Variants in ELMO2 observed in about 807,000 individuals in gnomAD.
The protein encoded by ELMO2 is engulfment and cell motility protein 2.
Under a neutral mutation model 96.2 loss-of-function variants are expected in ELMO2, and 37 were observed. The ratio of observed to expected loss-of-function variants is 0.38; its 90% CI spans 0.30 to 0.51. The LOEUF is 0.51. ELMO2 is among the 20% of genes least tolerant of loss of function. The probability of loss-of-function intolerance (pLI) is 0.88; values close to 1 mark genes in which losing one functional copy is unlikely to be tolerated. For synonymous variants in ELMO2, 315 were observed against 329.4 expected, an observed-to-expected ratio of 0.96 and a Z score of 0.47; for missense variants, 561 against 912.6, an observed-to-expected ratio of 0.61 and a Z score of 4.96.
At position 46,380,245 on chromosome 20, in the gene ELMO2, G is replaced by A. The variant is rs1182271552; in HGVS notation, c.807+8C>T. The A allele has an allele frequency of 2.5e-6, 4 of 1,609,234 alleles. 1 individual carries two copies. The South Asian group carries it at 4.4e-5, about 18-fold the overall frequency. On this transcript the variant is annotated splice_region_variant and intron_variant, in intron 11 of 21. Coordinates refer to ENST00000290246, the MANE Select transcript of ELMO2 (RefSeq NM_133171.5). ...AGTAATAAAATACAGCATGTTCCAG[G>A]AACTCACATTCAGGATTATAGACCG...
In ELMO2 at chr20:46,375,783, A is replaced by G; in HGVS notation, c.815T>C (p.Ile272Thr). Residue 272 changes from isoleucine (I) to threonine (T), a missense_variant, in exon 12 of 22, where the codon ATC becomes ACC. Coordinates refer to ENST00000290246, the MANE Select transcript of ELMO2 (RefSeq NM_133171.5). This position sits in a 1 kb window ranked among gnomAD's most constrained non-coding sequence, Gnocchi z 4.6. ...HLRSIILNHV[I>T]RGNRPIKTEM... The stretch of plus-strand genomic sequence containing the variant: ...AGTTTTGATGGGGCGGTTCCCTCGG[A>G]TCACATGCTAGAAAAAGCACAGGCA... The G allele has an allele frequency of 6.2e-7, 1 of 1,614,208 alleles. No individual in the cohort carries two copies. Among genetic ancestry groups the G allele is most frequent in the Non-Finnish European group, 8.5e-7 (1 of 1,180,026 alleles).
At position 46,375,493 on chromosome 20, in the gene ELMO2, C is replaced by T. The variant is rs996827798; in HGVS notation, c.931-123G>A. The T allele has an allele frequency of 2.7e-6, 4 of 1,487,072 alleles. No homozygotes were observed. The highest frequency in any genetic ancestry group is 1.4e-5 in the African/African-American group (1 of 71,880). 92.1% of individuals were successfully genotyped at this position (1,487,072 alleles called of 1,614,324 possible). A position where few individuals can be genotyped will look rare whatever the true frequency, so the allele number is the denominator to read the frequency against. On this transcript the variant is annotated intron_variant, in intron 12 of 21. Transcript: ENST00000290246. The surrounding 1 kb of genome is among the most constrained non-coding windows in gnomAD (Gnocchi z 4.6). ...CCAATCAATCCCTTAGGAGGCATCA[C>T]CTCTACCACAGCAGGACAGAAATGG...
chr20:46,375,322 C>T lies in ELMO2; in HGVS notation c.979G>A (p.Glu327Lys), dbSNP rs947139087. 1 of 1,614,114 alleles carries T rather than the reference C, an allele frequency of 6.2e-7. No homozygotes were observed. ...FELRRIAFDA[E>K]SDPSNAPGSG... Reference sequence around the variant, plus strand: ...CCAGGGGCATTGCTAGGATCAGACTCTGCGTCAAATGCAATCCTCCTCAGT... The same window carrying T: ...CCAGGGGCATTGCTAGGATCAGACTTTGCGTCAAATGCAATCCTCCTCAGT... Residue 327 changes from glutamate (E) to lysine (K), a missense_variant, in exon 13 of 22, where the codon GAG becomes AAG. Transcript: ENST00000290246. The surrounding 1 kb of genome is among the most constrained non-coding windows in gnomAD (Gnocchi z 4.6).
intron 16 of ELMO2, chr20:46,373,192 G>A (rs571204054): frequency 4.8e-5 from 29 of 602,856 alleles, no homozygotes; most frequent in African/African-American, 4.1e-4. Flanking sequence ...GAGGGCCTAC[G>A]GCACCAAGTG....
chr20:46,387,461 C>A (rs750061280), intron 7 of ELMO2, 24 bp from the exon 8 acceptor site: 2 of 1,578,472 alleles, frequency 1.3e-6, no homozygotes, highest in Admixed American at 1.7e-5. Flanking sequence ...AACACACACA[C>A]AAAATAGACA....
chr20:46,403,347 C>A (rs184885175), intron 1 of ELMO2, among the ~76,000 whole-genome samples: 2 of 152,300 alleles, frequency 1.3e-5, no homozygotes, highest in Non-Finnish European at 2.9e-5. Context: ...TAATACAATG[C>A]CTGGCAAATA....
intron 1 of ELMO2, among the ~76,000 whole-genome samples, chr20:46,399,785 A>G (rs2060305556): frequency 6.6e-6 from 1 of 152,190 alleles, no homozygotes; most frequent in Admixed American, 6.5e-5. Flanking sequence ...CCAAACAGAC[A>G]GGGACAGGCA....
At chr20:46,380,044 G>T in intron 11 of ELMO2, 1 of 474,704 alleles carries the variant, frequency 2.1e-6, no homozygotes, top group Non-Finnish European at 3.8e-6. Flanking sequence ...TGGACGCACT[G>T]CAATTGCTGG....
At chr20:46,396,200 G>C (rs2060242036) in intron 2 of ELMO2, among the ~76,000 whole-genome samples, 1 of 152,136 alleles carries the variant, frequency 6.6e-6, no homozygotes, top group African/African-American at 2.4e-5. Flanking sequence ...ATAATTTCTG[G>C]GGAAAATGCT....
At chr20:46,377,249 G>T (rs1600837969) in intron 11 of ELMO2, among the ~76,000 whole-genome samples, 2 of 152,180 alleles carry the variant, frequency 1.3e-5, no homozygotes, top group African/African-American at 4.8e-5. Flanking sequence ...AAAAGAAAAT[G>T]TAAAATGTCT....
intron 10 of ELMO2, among the ~76,000 whole-genome samples, chr20:46,381,714 T>A (rs2059959651): frequency 6.6e-6 from 1 of 152,216 alleles, no homozygotes; most frequent in African/African-American, 2.4e-5. Flanking sequence ...TTATCCCCTT[T>A]CATCTCCTCG....
intron 2 of ELMO2, among the ~76,000 whole-genome samples, chr20:46,397,308 T>C (rs371974640): frequency 6.6e-6 from 1 of 152,222 alleles, no homozygotes; most frequent in African/African-American, 2.4e-5. Context: ...AACCCTGCCA[T>C]AGCTGATGGG....
At chr20:46,368,021 AG>A (rs1208041338) in intron 21 of ELMO2, among the ~76,000 whole-genome samples, 1 of 152,200 alleles carries the variant, frequency 6.6e-6, no homozygotes, top group African/African-American at 2.4e-5. Flanking sequence ...TAAATACTAA[AG>A]AAATGGAACT....
intron 7 of ELMO2, 133 bp from the exon 8 acceptor site, chr20:46,387,570 G>A (rs773681773): frequency 1.8e-5 from 9 of 499,468 alleles, no homozygotes; most frequent in Non-Finnish European, 3.3e-5. Flanking sequence ...AACTGTAACT[G>A]TAAGTGCCTG....
At position 46,389,284 on chromosome 20, in the gene ELMO2, A is replaced by G. The variant is rs2060108730; in HGVS notation, c.244-64T>C. On this transcript the variant is annotated intron_variant, in intron 6 of 21. Coordinates refer to ENST00000290246, the MANE Select transcript of ELMO2 (RefSeq NM_133171.5). ...TGGAGCAGGTTACTACTCTGTGGATAGCTCACAGAGGCCCTTCTGTGGACA... is the reference window on the plus strand; with the variant it reads ...TGGAGCAGGTTACTACTCTGTGGATGGCTCACAGAGGCCCTTCTGTGGACA... 3.3e-6 allele frequency: 5 copies of G among 1,506,158 alleles called. No homozygotes were observed. The African/African-American group carries it at 4.2e-5, about 13-fold the overall frequency. The allele number at this position is 1,506,158 out of a possible 1,614,324, so 93.3% of individuals were successfully genotyped here. A position where few individuals can be genotyped will look rare whatever the true frequency, so the allele number is the denominator to read the frequency against.
rs1028558840 is a variant in ELMO2, at chr20:46,375,507, G to A, written c.931-137C>T. 1 of 1,475,368 alleles carries A rather than the reference G, an allele frequency of 6.8e-7. No individual in the cohort carries two copies. The highest frequency in any genetic ancestry group is 9.2e-7 in the Non-Finnish European group (1 of 1,088,596). The allele number at this position is 1,475,368 out of a possible 1,614,324, so 91.4% of individuals were successfully genotyped here. A position where few individuals can be genotyped will look rare whatever the true frequency, so the allele number is the denominator to read the frequency against. On this transcript the variant is annotated intron_variant, in intron 12 of 21. Coordinates refer to ENST00000290246, the MANE Select transcript of ELMO2 (RefSeq NM_133171.5). The surrounding 1 kb of genome is among the most constrained non-coding windows in gnomAD (Gnocchi z 4.6). Reference sequence around the variant, plus strand: ...AGGAGGCATCACCTCTACCACAGCAGGACAGAAATGGGCTTGGCTCATGGT... The same window carrying A: ...AGGAGGCATCACCTCTACCACAGCAAGACAGAAATGGGCTTGGCTCATGGT...
intron 20 of ELMO2, chr20:46,369,276 T>C (rs1379077770): frequency 4.0e-6 from 1 of 249,066 alleles, no homozygotes; most frequent in Non-Finnish European, 7.8e-6. Context: ...ATCCTAAAAG[T>C]TTTTATATTA....
intron 1 of ELMO2, among the ~76,000 whole-genome samples, chr20:46,401,434 A>G (rs1487133334): frequency 6.6e-6 from 1 of 152,198 alleles, no homozygotes; most frequent in Non-Finnish European, 1.5e-5. Context: ...ACAAACTTAC[A>G]TAGAGGCAAA....
rs909517533 is a variant in ELMO2, at chr20:46,376,612, A to T, written c.808-822T>A. 1.1e-5 allele frequency: 14 copies of T among 1,288,698 alleles called. No individual in the cohort carries two copies. In the African/African-American group the frequency reaches 2.1e-4, roughly 20 times the overall value. 79.8% of individuals were successfully genotyped at this position (1,288,698 alleles called of 1,614,324 possible). A position where few individuals can be genotyped will look rare whatever the true frequency, so the allele number is the denominator to read the frequency against. ...TCCTAGCTGATCAACCCTTGATTAC[A>T]TTCCTGTCTCTCACCATCCTGTCCT... On this transcript the variant is annotated intron_variant, in intron 11 of 21. Coordinates refer to ENST00000290246, the MANE Select transcript of ELMO2 (RefSeq NM_133171.5).
Sources: gnomAD v4.1 joint callset for allele counts (sites outside exome capture counted in the v4.1 genomes callset) on GRCh38, gnomAD v4.1.1 for gene constraint, Gnocchi (gnomAD v3.1) non-coding constraint, MANE v1.5 for transcripts, NCBI Gene and HGNC (gene_info 2026-07-23, HGNC 2026-07-21) for gene names.